NEGR1: variants seen among roughly 807,000 people sequenced by gnomAD.
The protein encoded by NEGR1 is neuronal growth regulator 1, also known as IgLON family member 4.
In NEGR1, 10 loss-of-function variants were observed where a neutral mutation model predicts 40.9. The observed-to-expected ratio is 0.24, with a 90% CI of 0.15 to 0.42. The LOEUF is 0.42. Among genes scored for constraint, NEGR1 ranks in the 10% least tolerant of loss-of-function variants. NEGR1 has a pLI of 1.00. For missense variants in NEGR1, 352 were observed against 438.9 expected, an observed-to-expected ratio of 0.80 and a Z score of 1.77; for synonymous variants, 185 against 166.8, an observed-to-expected ratio of 1.11 and a Z score of -0.84.
chr1:71,458,803 T>G (rs1174255930), intron 6 of NEGR1, among the ~76,000 whole-genome samples: 4 of 152,242 alleles, frequency 2.6e-5, no homozygotes, highest in Non-Finnish European at 4.4e-5. Context: ...ATATTTATAT[T>G]GAACACAGCA....
chr1:71,876,596 G>A (rs1365051085), intron 2 of NEGR1, among the ~76,000 whole-genome samples: 1 of 144,794 alleles, frequency 6.9e-6, no homozygotes, highest in African/African-American at 2.5e-5. Flanking sequence ...AAGGAAGGAA[G>A]GAAGGAAAGA....
chr1:71,570,237 G>A (rs1018055893), intron 6 of NEGR1, among the ~76,000 whole-genome samples: 1 of 152,050 alleles, frequency 6.6e-6, no homozygotes, highest in Admixed American at 6.6e-5. Flanking sequence ...GTATGGCTTG[G>A]ATTTTTTTGT....
chr1:71,737,760 T>G (rs1655085408), intron 3 of NEGR1, among the ~76,000 whole-genome samples: 1 of 152,146 alleles, frequency 6.6e-6, no homozygotes. Flanking sequence ...ACAAAAAAGA[T>G]AGCTAATTTC....
At chr1:71,731,631 C>T (rs562334716) in intron 3 of NEGR1, among the ~76,000 whole-genome samples, 1 of 152,194 alleles carries the variant, frequency 6.6e-6, no homozygotes, top group African/African-American at 2.4e-5. Context: ...AAGCACACAT[C>T]TTTTTTCTTG....
intron 1 of NEGR1, among the ~76,000 whole-genome samples, chr1:72,150,429 A>G (rs746392349): frequency 2.0e-5 from 3 of 152,178 alleles, no homozygotes; most frequent in Non-Finnish European, 4.4e-5. Flanking sequence ...CATTGAAAAA[A>G]TAAACTGAAA....
At chr1:72,175,633 A>C (rs185363712) in intron 1 of NEGR1, among the ~76,000 whole-genome samples, 2 of 152,254 alleles carry the variant, frequency 1.3e-5, no homozygotes, top group East Asian at 3.9e-4. Context: ...TTTATGTTGG[A>C]AAATAAAATT....
intron 4 of NEGR1, among the ~76,000 whole-genome samples, chr1:71,695,890 T>TA (rs1234028370): frequency 3.3e-5 from 5 of 151,756 alleles, no homozygotes; most frequent in African/African-American, 4.8e-5. Flanking sequence ...CCATTATATA[T>TA]TTTTTTTAAA....
intron 6 of NEGR1, among the ~76,000 whole-genome samples, chr1:71,438,277 G>A (rs1646523194): frequency 6.6e-6 from 1 of 152,090 alleles, no homozygotes; most frequent in South Asian, 2.1e-4. Flanking sequence ...AATAATTAAT[G>A]GATCTTATGT....
At chr1:71,635,088 A>G (rs910865739) in intron 4 of NEGR1, among the ~76,000 whole-genome samples, 1 of 152,104 alleles carries the variant, frequency 6.6e-6, no homozygotes, top group Non-Finnish European at 1.5e-5. Context: ...AAAATGGATG[A>G]AATCTGAGTG....
intron 1 of NEGR1, among the ~76,000 whole-genome samples, chr1:72,161,660 TTTTC>T (rs1180219113): frequency 5.9e-4 from 86 of 146,868 alleles, no homozygotes; most frequent in African/African-American, 2.0e-3. Context: ...ATTATTTATT[TTTTC>T]TTTCTTTCTT....
chr1:72,187,501 T>A (rs543697740), intron 1 of NEGR1, among the ~76,000 whole-genome samples: 1 of 151,496 alleles, frequency 6.6e-6, no homozygotes, highest in Non-Finnish European at 1.5e-5. Context: ...TTCAAACTAA[T>A]CTATTTTGCT....
chr1:71,876,990 T>TA (rs146733354), intron 2 of NEGR1, among the ~76,000 whole-genome samples: 14,370 of 149,032 alleles, frequency 0.096, 746 homozygotes, highest in Non-Finnish European at 0.13. Flanking sequence ...TTGCAGTAGT[T>TA]AAAAAAAAAA....
intron 1 of NEGR1, among the ~76,000 whole-genome samples, chr1:71,959,084 A>G (rs1250890907): frequency 1.3e-5 from 2 of 152,156 alleles, no homozygotes; most frequent in Non-Finnish European, 2.9e-5. Flanking sequence ...TTACACCATT[A>G]TAATCTCATT....
chr1:72,206,369 T>C (rs1170678013), intron 1 of NEGR1, among the ~76,000 whole-genome samples: 2 of 152,120 alleles, frequency 1.3e-5, no homozygotes, highest in African/African-American at 4.8e-5. Flanking sequence ...ATAGCAAACT[T>C]GAATATCCAA....
At chr1:71,468,366 A>G (rs1221807610) in intron 6 of NEGR1, 3 of 151,968 alleles carry the variant, frequency 2.0e-5, no homozygotes, top group African/African-American at 7.2e-5. Context: ...GACCTTATCA[A>G]CCTTGGCATG....
chr1:71,676,975 G>C lies in NEGR1; in HGVS notation c.667+21033C>G, dbSNP rs560085023. 1.1e-4 allele frequency among the ~76,000 whole-genome samples: 17 copies of C among 152,242 alleles called. 1 individual carries two copies. In the South Asian group the frequency reaches 3.5e-3, roughly 32 times the overall value. Reference sequence around the variant, plus strand: ...GTTTAAAGCTTGGGCTTTCCAATTAGACATATCACCCTTCCCATTATGAAG... The same window carrying C: ...GTTTAAAGCTTGGGCTTTCCAATTACACATATCACCCTTCCCATTATGAAG... On this transcript the variant is annotated intron_variant, in intron 4 of 6. Coordinates refer to ENST00000357731, the MANE Select transcript of NEGR1 (RefSeq NM_173808.3).
At position 71,524,315 on chromosome 1, in the gene NEGR1, AGTGTGTGTGT is replaced by A. The variant is rs60790381; in HGVS notation, c.940+68492_940+68501del. Among the ~76,000 whole-genome samples, 229 of 140,668 alleles carry A rather than the reference AGTGTGTGTGT, an allele frequency of 1.6e-3. 1 individual carries two copies. The highest frequency in any genetic ancestry group is 7.2e-3 in the Middle Eastern group (2 of 276). 92.3% of individuals were successfully genotyped at this position (140,668 alleles called of 152,430 possible). On this transcript the variant is annotated intron_variant, in intron 6 of 6. Coordinates refer to ENST00000357731, the MANE Select transcript of NEGR1 (RefSeq NM_173808.3). ...TCTTGGAGTCTTCTTTTTAAATAGG[AGTGTGTGTGT>A]GTGTGTGTGTGTGTGTGTGTGTGTG...
chr1:72,004,387 A>G (rs1336250941), intron 1 of NEGR1, among the ~76,000 whole-genome samples: 1 of 151,990 alleles, frequency 6.6e-6, no homozygotes, highest in Non-Finnish European at 1.5e-5. Context: ...GCTCATTGCA[A>G]CCCCTGCCTC....
chr1:71,706,564 CAAAA>C (rs35126210), intron 3 of NEGR1, among the ~76,000 whole-genome samples: 10 of 116,258 alleles, frequency 8.6e-5, no homozygotes, highest in African/African-American at 1.3e-4. Context: ...GTTGCTGCTC[CAAAA>C]AAAAAAAAAA....
Sources: gnomAD v4.1 joint callset for allele counts (sites outside exome capture counted in the v4.1 genomes callset) on GRCh38, gnomAD v4.1.1 for gene constraint, MANE v1.5 for transcripts, NCBI Gene and HGNC (gene_info 2026-07-23, HGNC 2026-07-21) for gene names.